Variants in LARP4B observed in about 807,000 individuals in gnomAD.
LARP4B encodes la-related protein 4B.
LARP4B carries 12 observed loss-of-function variants against 89.8 expected under a neutral mutation model. The ratio of observed to expected loss-of-function variants is 0.13; its 90% CI spans 0.09 to 0.22. LARP4B has a LOEUF of 0.22. Ranked by LOEUF, LARP4B falls within the 10% of genes least tolerant of loss-of-function variation. The pLI is 1.00. For synonymous variants in LARP4B, 367 were observed against 363.3 expected (o/e 1.01, Z -0.12); for missense variants, 757 against 947.7 (o/e 0.80, Z 2.64).
the LARP4B span, among the ~76,000 whole-genome samples, chr10:976,595 G>A: frequency 6.7e-6 from 1 of 149,268 alleles, no homozygotes; most frequent in African/African-American, 2.5e-5. Flanking sequence ...GGCCTGCCGT[G>A]TAATGTGTGG....
chr10:879,342 A>G (rs1288053400), intron 3 of LARP4B, among the ~76,000 whole-genome samples: 1 of 152,234 alleles, frequency 6.6e-6, no homozygotes, highest in Non-Finnish European at 1.5e-5. Flanking sequence ...AAGTACCAGG[A>G]GACCAAGAAC....
chr10:963,087 CCTT>C, the LARP4B span, among the ~76,000 whole-genome samples: 1 of 152,204 alleles, frequency 6.6e-6, no homozygotes, highest in African/African-American at 2.4e-5. Flanking sequence ...TTTCCTTTCT[CCTT>C]CTCCTTCCTC....
intron 3 of LARP4B, 118 bp from the exon 4 acceptor site, chr10:864,388 T>C: frequency 1.2e-6 from 1 of 841,216 alleles, no homozygotes; most frequent in East Asian, 2.7e-5. Flanking sequence ...CCTATGTATT[T>C]ATACACACCT....
chr10:903,121 T>C (rs1836389299), intron 1 of LARP4B: 1 of 152,244 alleles, frequency 6.6e-6, no homozygotes, highest in Non-Finnish European at 1.5e-5. Context: ...CAACCTAACC[T>C]GGCAGGATGT....
upstream of LARP4B, among the ~76,000 whole-genome samples, chr10:932,504 A>C (rs1318010715): frequency 2.6e-5 from 1 of 38,378 alleles, no homozygotes; most frequent in Non-Finnish European, 4.8e-5. Flanking sequence ...ACCCGGGACC[A>C]AGGCCCCGGC....
intron 6 of LARP4B, among the ~76,000 whole-genome samples, chr10:843,690 A>C (rs1013905274): frequency 6.6e-6 from 1 of 152,038 alleles, no homozygotes; most frequent in African/African-American, 2.4e-5. Context: ...CAAGAGTGAA[A>C]CTCTGACTCA....
In LARP4B at chr10:836,082, A is replaced by G. The variant is rs1313517761; in HGVS notation, c.750+321T>C. ...GTTTTGAAAAGTTTTTTTTATCACA[A>G]AAGTGCTCTTTTTCATTATTTATGG... On this transcript the variant is annotated intron_variant, in intron 8 of 17. Transcript: ENST00000316157. Among the ~76,000 whole-genome samples, 4 of 152,292 alleles carry G rather than the reference A, an allele frequency of 2.6e-5. No homozygotes were observed. The East Asian group carries it at 7.7e-4, about 29-fold the overall frequency.
At chr10:966,522 T>G in the LARP4B span, among the ~76,000 whole-genome samples, 1 of 152,118 alleles carries the variant, frequency 6.6e-6, no homozygotes, top group Non-Finnish European at 1.5e-5. Flanking sequence ...AGAGGAGCCG[T>G]GGGAGCTGGG....
chr10:942,756 A>G, the LARP4B span: 2 of 152,100 alleles, frequency 1.3e-5, no homozygotes, highest in African/African-American at 4.8e-5. Flanking sequence ...TTGTGATTCC[A>G]TGAGATAAGA....
At chr10:906,483 C>T (rs1049427722) in intron 1 of LARP4B, among the ~76,000 whole-genome samples, 2 of 152,216 alleles carry the variant, frequency 1.3e-5, no homozygotes, top group African/African-American at 4.8e-5. Flanking sequence ...AAGCCCAGCG[C>T]CAGTGTGGTG....
At chr10:945,419 G>T in the LARP4B span, among the ~76,000 whole-genome samples, 1 of 151,396 alleles carries the variant, frequency 6.6e-6, no homozygotes, top group Non-Finnish European at 1.5e-5. Context: ...AGGCATGGTG[G>T]CTCACACCTG....
the LARP4B span, among the ~76,000 whole-genome samples, chr10:957,792 TTTTC>T: frequency 2.7e-5 from 4 of 147,370 alleles, no homozygotes; most frequent in Non-Finnish European, 5.9e-5. Context: ...TTTCAATTCA[TTTTC>T]TTTCTTTTTT....
At chr10:972,645 T>G in the LARP4B span, 251,330 of 457,016 alleles carry the variant, frequency 0.55, 69,704 homozygotes, top group East Asian at 0.61. Flanking sequence ...TCCATTTCTA[T>G]GTAAGCCGTT....
chr10:874,485 C>T (rs905431637), intron 3 of LARP4B, among the ~76,000 whole-genome samples: 5 of 152,204 alleles, frequency 3.3e-5, no homozygotes, highest in African/African-American at 9.7e-5. Flanking sequence ...GAAAAACAGG[C>T]GTTGTCCACA....
chr10:821,955 TAGG>T (rs200444378), intron 13 of LARP4B, among the ~76,000 whole-genome samples: 1,895 of 152,290 alleles, frequency 0.012, 34 homozygotes, highest in Admixed American at 0.05. Context: ...CAACCTCCTG[TAGG>T]AACAGGGGGC....
chr10:858,087 T>C (rs979530572), intron 5 of LARP4B, among the ~76,000 whole-genome samples: 28 of 152,202 alleles, frequency 1.8e-4, no homozygotes, highest in African/African-American at 6.0e-4. Context: ...AAAAATTTTT[T>C]AAGCTTAAAC....
intron 1 of LARP4B, among the ~76,000 whole-genome samples, chr10:920,246 G>C (rs1836943019): frequency 6.6e-6 from 1 of 152,176 alleles, no homozygotes; most frequent in South Asian, 2.1e-4. Flanking sequence ...TCACCAACTA[G>C]CCAGCTGTAT....
intron 1 of LARP4B, among the ~76,000 whole-genome samples, chr10:913,702 A>G (rs1836738126): frequency 6.6e-6 from 1 of 152,208 alleles, no homozygotes; most frequent in Non-Finnish European, 1.5e-5. Flanking sequence ...CATCACTAGG[A>G]GTTCGAGACC....
At chr10:843,657 C>G (rs1050935138) in intron 6 of LARP4B, among the ~76,000 whole-genome samples, 4 of 152,078 alleles carry the variant, frequency 2.6e-5, no homozygotes, top group Non-Finnish European at 5.9e-5. Flanking sequence ...CAAGATCACA[C>G]CACTGCACTC....
Sources: allele counts gnomAD v4.1 joint callset (sites outside exome capture counted in the v4.1 genomes callset), GRCh38; gene constraint gnomAD v4.1.1; transcripts MANE v1.5; gene names NCBI Gene and HGNC (gene_info 2026-07-23, HGNC 2026-07-21).